Variants in TFB2M observed in about 807,000 individuals in gnomAD.
The protein encoded by TFB2M is dimethyladenosine transferase 2, mitochondrial.
TFB2M carries 44 observed loss-of-function variants against 41.3 expected under a neutral mutation model. The observed-to-expected ratio is 1.07, with a 90% confidence interval of 0.84 to 1.37. The LOEUF (loss-of-function observed/expected upper bound fraction) is 1.37, where lower values mean the gene tolerates loss of function less well. Among genes scored for constraint, TFB2M ranks in the 40% most tolerant of loss-of-function variants. TFB2M has a pLI of 0.00. For synonymous variants in TFB2M, 188 were observed against 176.8 expected (o/e 1.06, Z -0.50); for missense variants, 496 against 490.2 (o/e 1.01, Z -0.11).
chr1:246,551,875 T>C lies in TFB2M; in HGVS notation c.706-573A>G, dbSNP rs550272822. On this transcript the variant is annotated intron_variant, in intron 4 of 7. Coordinates refer to ENST00000366514, the MANE Select transcript of TFB2M (RefSeq NM_022366.3). ...ACAGCACTTCCTATTCTTCTCCTTG[T>C]CTTTCCTTTGTTGAATAGCGTATGC... 8.5e-5 allele frequency among the ~76,000 whole-genome samples: 13 copies of C among 152,344 alleles called. No homozygotes were observed. In the East Asian group the frequency reaches 2.5e-3, roughly 29 times the overall value.
In TFB2M at chr1:246,541,518, G is replaced by GA. The variant is rs962077470; in HGVS notation, c.1020-317dup. On this transcript the variant is annotated intron_variant, in intron 7 of 7. Transcript: ENST00000366514. ...ATTCCTAAGGCTATTGAAATAAGAA[G>GA]AAAAAAAAAAGCCTAACTTATTATA... 1.8e-3 allele frequency among the ~76,000 whole-genome samples: 261 copies of GA among 146,094 alleles called. 2 individuals are homozygous for GA. The highest frequency in any genetic ancestry group is 3.5e-3 in the Middle Eastern group (1 of 286).
chr1:246,544,119 T>A (rs978050422), intron 7 of TFB2M, among the ~76,000 whole-genome samples: 2 of 152,224 alleles, frequency 1.3e-5, no homozygotes, highest in African/African-American at 4.8e-5. Context: ...CAGGGTGGTA[T>A]AATTATCTAT....
intron 6 of TFB2M, 66 bp downstream of exon 6, chr1:246,548,479 T>TC: frequency 7.8e-7 from 1 of 1,275,720 alleles, no homozygotes; most frequent in Non-Finnish European, 1.1e-6. Context: ...CAAATAGTCC[T>TC]AAAAAAATAA....
chr1:246,547,448 G>A (rs1279982608), intron 6 of TFB2M, among the ~76,000 whole-genome samples: 1 of 152,090 alleles, frequency 6.6e-6, no homozygotes, highest in Admixed American at 6.6e-5. Context: ...TTCCTATTCT[G>A]TTTTTTGGGA....
rs144260101 is a variant in TFB2M, at chr1:246,545,256, T to C, written c.859-575A>G. 5.1e-3 allele frequency among the ~76,000 whole-genome samples: 778 copies of C among 152,102 alleles called. 10 individuals are homozygous for C. The highest frequency in any genetic ancestry group is 0.017 in the African/African-American group (708 of 41,526). On this transcript the variant is annotated intron_variant, in intron 6 of 7. Coordinates refer to ENST00000366514, the MANE Select transcript of TFB2M (RefSeq NM_022366.3). Reference sequence around the variant, plus strand: ...GACAAAGAGCAGGCCTGTGGCTGGGTGCAGTGGCTCATGCCCATGATCCCA... The same window carrying C: ...GACAAAGAGCAGGCCTGTGGCTGGGCGCAGTGGCTCATGCCCATGATCCCA...
rs1659355293 is a variant in TFB2M at position 246,557,514 on chromosome 1, A to G, written c.423T>C (p.Asp141=). Residue 141 remains aspartate, a synonymous_variant, in exon 3 of 8, where the codon GAT becomes GAC. Transcript: ENST00000366514. ...CACAGTGAATCACTCGTAGTTTTCC[A>G]TCCAGATTTTTTCCTAAGGACTAAA... The part of the protein sequence containing the change: ...PHLESLGKNL[D]GKLRVIHCDF... 1 of 1,607,138 alleles carries G rather than the reference A, an allele frequency of 6.2e-7. No individual in the cohort carries two copies. Among genetic ancestry groups the G allele is most frequent in the African/African-American group, 1.3e-5 (1 of 74,710 alleles).
At chr1:246,559,772 G>A (rs1659410930) in intron 2 of TFB2M, among the ~76,000 whole-genome samples, 1 of 152,188 alleles carries the variant, frequency 6.6e-6, no homozygotes, top group Non-Finnish European at 1.5e-5. Flanking sequence ...ATATAAATGT[G>A]TGGGAATTTG....
chr1:246,552,619 A>G (rs1659215477), intron 4 of TFB2M, among the ~76,000 whole-genome samples: 1 of 151,816 alleles, frequency 6.6e-6, no homozygotes, highest in Non-Finnish European at 1.5e-5. Flanking sequence ...GTGTCACTTG[A>G]GCCCAGGAGT....
chr1:246,563,215 T>G (rs1232305086), intron 2 of TFB2M, among the ~76,000 whole-genome samples: 5 of 152,102 alleles, frequency 3.3e-5, no homozygotes, highest in African/African-American at 1.2e-4. Flanking sequence ...TTTTTTTTTT[T>G]TTTTACTGTA....
At chr1:246,546,015 G>C (rs1158375961) in intron 6 of TFB2M, among the ~76,000 whole-genome samples, 1 of 151,882 alleles carries the variant, frequency 6.6e-6, no homozygotes, top group Non-Finnish European at 1.5e-5. Context: ...ATGTAAGTAG[G>C]GTAAAATCAA....
chr1:246,548,985 G>C (rs1305712896), intron 5 of TFB2M, among the ~76,000 whole-genome samples: 1 of 152,172 alleles, frequency 6.6e-6, no homozygotes, highest in African/African-American at 2.4e-5. Context: ...CAGTGGAAAA[G>C]CCTACTAATC....
At chr1:246,549,262 G>T (rs12759680) in intron 5 of TFB2M, among the ~76,000 whole-genome samples, 41,316 of 151,808 alleles carry the variant, frequency 0.27, 6,311 homozygotes, top group East Asian at 0.66. Flanking sequence ...TCTTTTGTAA[G>T]AGAATTTTGT....
rs1298766997 is a variant in TFB2M at position 246,560,905 on chromosome 1, A to G, written c.403-3371T>C. Among the ~76,000 whole-genome samples, 8 of 152,172 alleles carry G rather than the reference A, an allele frequency of 5.3e-5. No individual in the cohort carries two copies. In the East Asian group the frequency reaches 9.6e-4, roughly 18 times the overall value. On this transcript the variant is annotated intron_variant, in intron 2 of 7. Transcript: ENST00000366514. Reference sequence around the variant, plus strand: ...GAGGCGGGCGGATCACGAGGTCAGGAGTTCCAGACCAGTCTGGCCAACATG... The same window carrying G: ...GAGGCGGGCGGATCACGAGGTCAGGGGTTCCAGACCAGTCTGGCCAACATG...
At chr1:246,557,609 C>T in intron 2 of TFB2M, 75 bp from the exon 3 acceptor site, 1 of 1,165,282 alleles carries the variant, frequency 8.6e-7, no homozygotes, top group Non-Finnish European at 1.2e-6. Flanking sequence ...AAAAACTCTA[C>T]TTCAAAAAAC....
chr1:246,566,242 G>A lies in TFB2M; in HGVS notation c.-104C>T. The A allele has an allele frequency of 3.3e-6, 4 of 1,220,418 alleles. No homozygotes were observed. Among genetic ancestry groups the A allele is most frequent in the South Asian group, 1.5e-5 (1 of 66,322 alleles). 75.6% of individuals were successfully genotyped at this position (1,220,418 alleles called of 1,614,324 possible). On this transcript the variant is annotated 5_prime_UTR_variant, in exon 1 of 8. Transcript: ENST00000366514. ...GAACATTTTCTGGCGTCCGGGCCAG[G>A]TCAAGCGGAAGTAAACACTAGAGCC...
At position 246,544,951 on chromosome 1, in the gene TFB2M, G is replaced by A. The variant is rs530895251; in HGVS notation, c.859-270C>T. On this transcript the variant is annotated intron_variant, in intron 6 of 7. Transcript: ENST00000366514. ...CTCCCGAGTAGCTGGGACTACAGGC[G>A]CCCACCACCACGCCTGGCTAATTTT... Among the ~76,000 whole-genome samples, 179 of 152,088 alleles carry A rather than the reference G, an allele frequency of 1.2e-3. 3 individuals carry two copies. In the East Asian group the frequency reaches 0.025, roughly 22 times the overall value.
chr1:246,550,857 T>C (rs993236085), intron 5 of TFB2M, among the ~76,000 whole-genome samples: 1 of 152,280 alleles, frequency 6.6e-6, no homozygotes, highest in African/African-American at 2.4e-5. Context: ...CTCCCCAGCC[T>C]GGGTGACTTG....
At chr1:246,550,508 G>A (rs1659145295) in intron 5 of TFB2M, among the ~76,000 whole-genome samples, 6 of 152,198 alleles carry the variant, frequency 3.9e-5, no homozygotes. Flanking sequence ...AATACAGCAA[G>A]GTGCAGACTG....
chr1:246,557,695 A>G (rs191625524), intron 2 of TFB2M, among the ~76,000 whole-genome samples, 161 bp from the exon 3 acceptor site: 1 of 152,280 alleles, frequency 6.6e-6, no homozygotes, highest in Admixed American at 6.5e-5. Flanking sequence ...TTTTTGAGAG[A>G]CAGAGTCTCG....
Sources: allele counts gnomAD v4.1 joint callset (sites outside exome capture counted in the v4.1 genomes callset), GRCh38; gene constraint gnomAD v4.1.1; transcripts MANE v1.5; gene names NCBI Gene and HGNC (gene_info 2026-07-23, HGNC 2026-07-21).